Variants in ZNF385B observed in about 807,000 individuals in gnomAD.
ZNF385B encodes zinc finger protein 533.
A neutral mutation model predicts 39.2 loss-of-function variants in ZNF385B; 23 were observed. That is an observed-to-expected ratio of 0.59 (90% confidence interval 0.42 to 0.83). The LOEUF is 0.83. ZNF385B is among the 40% of genes least tolerant of loss of function. ZNF385B has a pLI of 0.00. For synonymous variants in ZNF385B, 205 were observed against 222.6 expected (o/e 0.92, Z 0.70); for missense variants, 552 against 598.9 (o/e 0.92, Z 0.82).
intron 1 of ZNF385B, among the ~76,000 whole-genome samples, chr2:179,792,210 G>A (rs574771201): frequency 1.3e-5 from 2 of 152,116 alleles, no homozygotes; most frequent in African/African-American, 4.8e-5. Context: ...TATAAGCCAA[G>A]ATAAACATTA....
At chr2:179,665,913 CAG>C (rs1344296758) in intron 3 of ZNF385B, among the ~76,000 whole-genome samples, 3 of 152,128 alleles carry the variant, frequency 2.0e-5, no homozygotes, top group East Asian at 3.9e-4. Flanking sequence ...TCCTCTCAGG[CAG>C]AGTTTGCCTA....
intron 3 of ZNF385B, among the ~76,000 whole-genome samples, chr2:179,672,514 A>G (rs13408749): frequency 0.29 from 44,455 of 151,966 alleles, 8,322 homozygotes; most frequent in African/African-American, 0.53. Flanking sequence ...GAGGAGTGAG[A>G]GGTAGAATGC....
At chr2:179,556,142 G>A (rs1164958120) in intron 3 of ZNF385B, among the ~76,000 whole-genome samples, 3 of 147,916 alleles carry the variant, frequency 2.0e-5, no homozygotes, top group African/African-American at 7.7e-5. Flanking sequence ...CAGCCAAGTG[G>A]TGATTCATTT....
At chr2:179,548,538 T>C (rs1269059030) in intron 3 of ZNF385B, among the ~76,000 whole-genome samples, 1 of 149,666 alleles carries the variant, frequency 6.7e-6, no homozygotes, top group Non-Finnish European at 1.5e-5. Flanking sequence ...TATTATTCCA[T>C]TTTCATACTG....
intron 3 of ZNF385B, among the ~76,000 whole-genome samples, chr2:179,631,645 T>C (rs1362936330): frequency 6.6e-6 from 1 of 152,168 alleles, no homozygotes; most frequent in Non-Finnish European, 1.5e-5. Flanking sequence ...AACATCATAA[T>C]GACAGGATCA....
intron 3 of ZNF385B, among the ~76,000 whole-genome samples, chr2:179,559,989 T>TA (rs559984611): frequency 7.9e-4 from 120 of 152,302 alleles, no homozygotes; most frequent in African/African-American, 2.7e-3. Context: ...TTTGACATTT[T>TA]AAAAAAGTCT....
intron 1 of ZNF385B, among the ~76,000 whole-genome samples, chr2:179,781,416 T>C (rs1329577132): frequency 6.6e-6 from 1 of 152,192 alleles, no homozygotes; most frequent in Non-Finnish European, 1.5e-5. Flanking sequence ...AAAAGGATAG[T>C]AATTTCAATG....
chr2:179,753,330 G>A (rs1207661020), intron 3 of ZNF385B, among the ~76,000 whole-genome samples: 1 of 152,076 alleles, frequency 6.6e-6, no homozygotes, highest in Admixed American at 6.6e-5. Context: ...ATGCTGTTTT[G>A]GTTACTGTGG....
intron 4 of ZNF385B, among the ~76,000 whole-genome samples, chr2:179,520,460 T>G (rs1279887196): frequency 1.3e-5 from 2 of 152,144 alleles, no homozygotes; most frequent in Non-Finnish European, 2.9e-5. Context: ...AAAAACTATG[T>G]GACAAAGAAA....
chr2:179,486,894 C>T (rs1056454596), intron 5 of ZNF385B, among the ~76,000 whole-genome samples: 2 of 151,624 alleles, frequency 1.3e-5, no homozygotes, highest in Non-Finnish European at 2.9e-5. Flanking sequence ...CTGGCCCGGG[C>T]AACAGAATGA....
intron 5 of ZNF385B, among the ~76,000 whole-genome samples, chr2:179,498,800 A>C (rs1187571924): frequency 1.3e-5 from 2 of 151,844 alleles, no homozygotes; most frequent in African/African-American, 4.8e-5. Context: ...GACCAAACCC[A>C]CATTTTGTAG....
chr2:179,444,802 C>A, intron 9 of ZNF385B, 74 bp downstream of exon 9: 1 of 1,252,642 alleles, frequency 8.0e-7, no homozygotes, highest in African/African-American at 1.5e-5. Flanking sequence ...ACTCTATGCC[C>A]TCCTTGCCCA....
chr2:179,699,611 G>A (rs1699025151), intron 3 of ZNF385B, among the ~76,000 whole-genome samples: 1 of 152,192 alleles, frequency 6.6e-6, no homozygotes, highest in Admixed American at 6.5e-5. Flanking sequence ...TATGTAGGGG[G>A]TGTGGCTATA....
intron 4 of ZNF385B, among the ~76,000 whole-genome samples, chr2:179,525,978 T>G (rs145052286): frequency 2.6e-5 from 4 of 151,158 alleles, no homozygotes; most frequent in African/African-American, 9.7e-5. Flanking sequence ...TTTTTTTCTC[T>G]TAAAGATCAA....
chr2:179,858,504 A>G (rs10205122), intron 1 of ZNF385B, among the ~76,000 whole-genome samples: 35,365 of 152,032 alleles, frequency 0.23, 4,577 homozygotes, highest in Non-Finnish European at 0.28. Context: ...CAAAAGAGCA[A>G]AAAGGAGATA....
At chr2:179,761,933 C>T (rs913186043) in intron 3 of ZNF385B, among the ~76,000 whole-genome samples, 1 of 151,600 alleles carries the variant, frequency 6.6e-6, no homozygotes, top group Non-Finnish European at 1.5e-5. Context: ...ACTTCCAGCA[C>T]CATTTTGAAT....
intron 3 of ZNF385B, among the ~76,000 whole-genome samples, chr2:179,575,852 T>C (rs770593345): frequency 6.6e-6 from 1 of 152,168 alleles, no homozygotes; most frequent in Non-Finnish European, 1.5e-5. Flanking sequence ...AGTGCTGGTA[T>C]AATGCCCATG....
intron 6 of ZNF385B, among the ~76,000 whole-genome samples, chr2:179,448,594 C>T (rs34794538): frequency 0.017 from 2,614 of 152,184 alleles, 32 homozygotes; most frequent in Middle Eastern, 0.051. Flanking sequence ...CTATCACTTA[C>T]ATTGTCTTAT....
intron 3 of ZNF385B, among the ~76,000 whole-genome samples, chr2:179,689,881 A>T (rs1698225504): frequency 6.6e-6 from 1 of 151,724 alleles, no homozygotes; most frequent in Admixed American, 6.6e-5. Context: ...TCAATGAATT[A>T]GCTGTATCCT....
Sources: gnomAD v4.1 joint callset for allele counts (sites outside exome capture counted in the v4.1 genomes callset) on GRCh38, gnomAD v4.1.1 for gene constraint, MANE v1.5 for transcripts, NCBI Gene and HGNC (gene_info 2026-07-23, HGNC 2026-07-21) for gene names.